RAPGEF5: variants seen among roughly 807,000 people sequenced by gnomAD.
RAPGEF5 encodes the protein Rap guanine nucleotide exchange factor 5, also known as M-Ras-regulated GEF.
In RAPGEF5, 65 loss-of-function variants were observed where a neutral mutation model predicts 125.2. That is an observed-to-expected ratio of 0.52 (90% CI 0.43 to 0.64). The LOEUF is 0.64. RAPGEF5 is among the 30% of genes least tolerant of loss of function. The pLI, the probability that RAPGEF5 is intolerant of heterozygous loss-of-function variation, is 0.00. For synonymous variants in RAPGEF5, 391 were observed against 385.9 expected (o/e 1.01, Z -0.16); for missense variants, 958 against 1,048.1 (o/e 0.91, Z 1.19).
At chr7:22,280,704 G>A (rs548058395) in intron 6 of RAPGEF5, among the ~76,000 whole-genome samples, 1 of 152,186 alleles carries the variant, frequency 6.6e-6, no homozygotes, top group African/African-American at 2.4e-5. Context: ...AATGAGACTG[G>A]AAACATATAG....
intron 7 of RAPGEF5, among the ~76,000 whole-genome samples, chr7:22,248,001 G>A (rs1044617921): frequency 1.9e-4 from 29 of 152,088 alleles, no homozygotes; most frequent in Admixed American, 1.2e-3. Context: ...GGCAAGGGCC[G>A]AAAAACTATT....
chr7:22,242,378 C>A (rs973494009), intron 7 of RAPGEF5, among the ~76,000 whole-genome samples: 1 of 152,164 alleles, frequency 6.6e-6, no homozygotes, highest in East Asian at 1.9e-4. Flanking sequence ...GCTATGGAGC[C>A]TCCCCTTACA....
intron 11 of RAPGEF5, among the ~76,000 whole-genome samples, chr7:22,177,725 A>C (rs944159328): frequency 1.3e-5 from 2 of 152,234 alleles, no homozygotes; most frequent in African/African-American, 2.4e-5. Flanking sequence ...ACTGAGGCTG[A>C]GATGAATAAA....
At chr7:22,186,663 T>C (rs1239463442) in intron 11 of RAPGEF5, among the ~76,000 whole-genome samples, 2 of 152,156 alleles carry the variant, frequency 1.3e-5, no homozygotes, top group East Asian at 3.8e-4. Context: ...AGGAATTAAA[T>C]AAATAAAGGA....
intron 9 of RAPGEF5, among the ~76,000 whole-genome samples, chr7:22,195,354 T>A (rs953586533): frequency 5.3e-5 from 8 of 152,276 alleles, no homozygotes; most frequent in Non-Finnish European, 1.2e-4. Context: ...CCTGGTATTC[T>A]GATTCCTAAG....
rs760708932 is a variant in RAPGEF5 at position 22,119,558 on chromosome 7, T to C, written c.*2848A>G. 7.9e-5 allele frequency: 12 copies of C among 152,194 alleles called. No individual in the cohort carries two copies. Among genetic ancestry groups the C allele is most frequent in the Non-Finnish European group, 1.8e-4 (12 of 68,038 alleles). The allele number at this position is 152,194 out of a possible 1,614,324, so 9.4% of individuals were successfully genotyped here. On this transcript the variant is annotated 3_prime_UTR_variant, in exon 26 of 26. Coordinates refer to ENST00000665637, the MANE Select transcript of RAPGEF5 (RefSeq NM_012294.5). The surrounding 1 kb of genome is among the most constrained non-coding windows in gnomAD (Gnocchi z 4.1). Reference sequence around the variant, plus strand: ...GTGATTTTGCCTACGGGGTCCTGCATTCTGCTGTCTTGTGCTAACTTCTAA... The same window carrying C: ...GTGATTTTGCCTACGGGGTCCTGCACTCTGCTGTCTTGTGCTAACTTCTAA...
intron 7 of RAPGEF5, among the ~76,000 whole-genome samples, chr7:22,259,732 A>T (rs942081634): frequency 3.0e-4 from 45 of 152,122 alleles, no homozygotes; most frequent in African/African-American, 1.1e-3. Context: ...GCCAGTCTGA[A>T]AAGGCTACGT....
rs1784232320 is a variant in RAPGEF5 at position 22,346,785 on chromosome 7, T to C, written c.231+10045A>G. On this transcript the variant is annotated intron_variant, in intron 1 of 25. Transcript: ENST00000665637. ...TTGTAACTTTAGTAAAGATTTGTTT[T>C]GCCTTGGTAGAAGTCCTGAATGATA... 3.3e-5 allele frequency among the ~76,000 whole-genome samples: 5 copies of C among 152,330 alleles called. 1 individual carries two copies. In the South Asian group the frequency reaches 1.0e-3, roughly 32 times the overall value.
chr7:22,184,936 C>G (rs1407810745), intron 11 of RAPGEF5, among the ~76,000 whole-genome samples: 3 of 152,132 alleles, frequency 2.0e-5, no homozygotes. Context: ...CTCTTTCTCT[C>G]TCCTCTCTCT....
chr7:22,293,421 A>G (rs1325879955), intron 5 of RAPGEF5, among the ~76,000 whole-genome samples: 1 of 151,624 alleles, frequency 6.6e-6, no homozygotes, highest in Non-Finnish European at 1.5e-5. Flanking sequence ...AAGTCACCAG[A>G]TCCTCTCACT....
intron 8 of RAPGEF5, among the ~76,000 whole-genome samples, chr7:22,226,211 C>T (rs751428869): frequency 1.3e-5 from 2 of 152,146 alleles, no homozygotes; most frequent in Non-Finnish European, 2.9e-5. Flanking sequence ...TTTGCAATAA[C>T]AGAATGCTAT....
chr7:22,269,594 T>C (rs1430948451), intron 6 of RAPGEF5, among the ~76,000 whole-genome samples: 1 of 152,192 alleles, frequency 6.6e-6, no homozygotes, highest in Non-Finnish European at 1.5e-5. Flanking sequence ...CATCATAAGT[T>C]ACTCCCAGCA....
chr7:22,260,915 C>T (rs1782139960), intron 7 of RAPGEF5, among the ~76,000 whole-genome samples: 1 of 152,116 alleles, frequency 6.6e-6, no homozygotes, highest in South Asian at 2.1e-4. Flanking sequence ...AACACAGAGA[C>T]CAGAAATAAA....
Position 22,120,517 on chromosome 7 carries a change from G to A in RAPGEF5, c.*1889C>T, listed in dbSNP as rs1782551863. 2.0e-5 allele frequency: 3 copies of A among 152,680 alleles called. No individual in the cohort carries two copies. Among genetic ancestry groups the A allele is most frequent in the African/African-American group, 7.2e-5 (3 of 41,450 alleles). The allele number at this position is 152,680 out of a possible 1,614,324, so 9.5% of individuals were successfully genotyped here. A position where few individuals can be genotyped will look rare whatever the true frequency, so the allele number is the denominator to read the frequency against. On this transcript the variant is annotated 3_prime_UTR_variant, in exon 26 of 26. Coordinates refer to ENST00000665637, the MANE Select transcript of RAPGEF5 (RefSeq NM_012294.5). The surrounding 1 kb of genome is among the most constrained non-coding windows in gnomAD (Gnocchi z 4.0). Reference sequence around the variant, plus strand: ...TTAGTCCAGGGCATAGGAAAAAGGTGAGAACACGTGCTTGTGCTGTAAGCC... The same window carrying A: ...TTAGTCCAGGGCATAGGAAAAAGGTAAGAACACGTGCTTGTGCTGTAAGCC...
rs541475899 is a variant in RAPGEF5 at position 22,185,075 on chromosome 7, C to A, written c.1204+8292G>T. On this transcript the variant is annotated intron_variant, in intron 11 of 25. Transcript: ENST00000665637. ...GGGTACTGAAGCACCTGATTTGGGG[C>A]TTATAGCTTGAGTTGAATGTAGATT... is the stretch of plus-strand genomic sequence containing the variant. Among the ~76,000 whole-genome samples, 3 of 152,276 alleles carry A rather than the reference C, an allele frequency of 2.0e-5. No individual in the cohort carries two copies. In the South Asian group the frequency reaches 6.2e-4, roughly 32 times the overall value.
At chr7:22,270,896 T>C (rs1782401551) in intron 6 of RAPGEF5, among the ~76,000 whole-genome samples, 1 of 152,194 alleles carries the variant, frequency 6.6e-6, no homozygotes, top group Non-Finnish European at 1.5e-5. Context: ...TGCCACCAAA[T>C]ATGTTCAGTT....
chr7:22,227,427 CACTT>C (rs1330454353), intron 8 of RAPGEF5, among the ~76,000 whole-genome samples: 1 of 152,094 alleles, frequency 6.6e-6, no homozygotes, highest in Non-Finnish European at 1.5e-5. Context: ...TAATTATTAT[CACTT>C]AATAATAGAA....
intron 7 of RAPGEF5, among the ~76,000 whole-genome samples, chr7:22,240,595 A>G (rs1179291106): frequency 6.6e-6 from 1 of 151,548 alleles, no homozygotes; most frequent in Non-Finnish European, 1.5e-5. Flanking sequence ...CTGGTCTTGG[A>G]CTCCTGACCT....
chr7:22,234,079 C>T (rs1786126249), intron 7 of RAPGEF5, among the ~76,000 whole-genome samples: 1 of 152,072 alleles, frequency 6.6e-6, no homozygotes, highest in African/African-American at 2.4e-5. Flanking sequence ...AATTATAATT[C>T]CAAGAATGCA....
Sources: gnomAD v4.1 joint callset for allele counts (sites outside exome capture counted in the v4.1 genomes callset) on GRCh38, gnomAD v4.1.1 for gene constraint, Gnocchi (gnomAD v3.1) non-coding constraint, MANE v1.5 for transcripts, NCBI Gene and HGNC (gene_info 2026-07-23, HGNC 2026-07-21) for gene names.